Variants in MMP26 observed in about 807,000 individuals in gnomAD.
MMP26 encodes the protein matrix metalloproteinase-26.
MMP26 carries 33 observed loss-of-function variants against 31.0 expected under a neutral mutation model. The ratio of observed to expected loss-of-function variants is 1.06; its 90% CI spans 0.81 to 1.42. The LOEUF (loss-of-function observed/expected upper bound fraction) is 1.42. MMP26 is among the 40% of genes most tolerant of loss of function. The probability of loss-of-function intolerance (pLI) is 0.00; values close to 1 mark genes in which losing one functional copy is unlikely to be tolerated. For synonymous variants in MMP26, 122 were observed against 114.9 expected (o/e 1.06, Z -0.40); for missense variants, 347 against 316.1 (o/e 1.10, Z -0.74).
chr11:4,745,581 C>T (rs563406918), intron 1 of MMP26, among the ~76,000 whole-genome samples: 3 of 152,290 alleles, frequency 2.0e-5, no homozygotes, highest in African/African-American at 7.2e-5. Context: ...GTACGTTCGT[C>T]ACTATCTATG....
intron 2 of MMP26, among the ~76,000 whole-genome samples, chr11:4,959,336 C>T (rs970386683): frequency 6.6e-6 from 1 of 151,658 alleles, no homozygotes; most frequent in Non-Finnish European, 1.5e-5. Flanking sequence ...TCAAAGGAGG[C>T]CATTATATCC....
intron 1 of MMP26, chr11:4,723,340 T>A: frequency 1.0e-6 from 1 of 970,896 alleles, no homozygotes. Flanking sequence ...CTTGATCTGG[T>A]GCATGCTCTC....
At chr11:4,938,459 A>T (rs1478581367) in intron 2 of MMP26, among the ~76,000 whole-genome samples, 1 of 151,848 alleles carries the variant, frequency 6.6e-6, no homozygotes, top group Non-Finnish European at 1.5e-5. Flanking sequence ...CAGACTGAAA[A>T]AAAAAAAAAG....
chr11:4,867,898 A>C (rs1256044693), intron 2 of MMP26, among the ~76,000 whole-genome samples: 1 of 152,130 alleles, frequency 6.6e-6, no homozygotes, highest in Non-Finnish European at 1.5e-5. Context: ...CTGGGTATAT[A>C]CCTAAAAGAA....
chr11:4,778,534 C>T lies in MMP26; in HGVS notation c.-145+11193C>T, dbSNP rs560817476. Among the ~76,000 whole-genome samples, 39 of 152,106 alleles carry T rather than the reference C, an allele frequency of 2.6e-4. No individual in the cohort carries two copies. In the East Asian group the frequency reaches 7.1e-3, roughly 28 times the overall value. ...AATACTGCACTATCCCTGTAATATG[C>T]TTTGATGCCTGGTATTATAAGAATA... is the stretch of plus-strand genomic sequence containing the variant. On this transcript the variant is annotated intron_variant, in intron 2 of 7. Coordinates refer to ENST00000380390, the MANE Select transcript of MMP26 (RefSeq NM_021801.5).
chr11:4,932,428 C>G (rs36049521), intron 2 of MMP26, among the ~76,000 whole-genome samples: 21,591 of 152,076 alleles, frequency 0.14, 1,650 homozygotes, highest in South Asian at 0.17. Context: ...CTGGTATATG[C>G]TCTCTTGTTC....
intron 2 of MMP26, among the ~76,000 whole-genome samples, chr11:4,855,812 C>T (rs1203079578): frequency 6.6e-6 from 1 of 152,166 alleles, no homozygotes; most frequent in East Asian, 1.9e-4. Context: ...ATGTTAAGGG[C>T]AGCCAGAGAG....
intron 2 of MMP26, chr11:4,945,748 TA>T (rs573738164): frequency 7.4e-5 from 17 of 229,010 alleles, no homozygotes; most frequent in East Asian, 6.1e-4. Flanking sequence ...ATGATTAAAT[TA>T]AAAAAATGGT....
At chr11:4,975,333 C>T (rs1226934560) in intron 2 of MMP26, among the ~76,000 whole-genome samples, 2 of 152,022 alleles carry the variant, frequency 1.3e-5, no homozygotes, top group East Asian at 3.9e-4. Flanking sequence ...AAACACTAAT[C>T]CAGGTGTGTC....
rs1023388359 is a variant in MMP26, at chr11:4,883,498, G to A, written c.-144-104570G>A. Among the ~76,000 whole-genome samples the A allele has an allele frequency of 5.9e-5, 9 of 151,758 alleles. No individual in the cohort carries two copies. In the South Asian group the frequency reaches 1.5e-3, roughly 25 times the overall value. On this transcript the variant is annotated intron_variant, in intron 2 of 7. Coordinates refer to ENST00000380390, the MANE Select transcript of MMP26 (RefSeq NM_021801.5). ...TAGAAGTGATATTTTTTCAGTTTTA[G>A]TTAGTACTTTATATACCTCCAATCC...
chr11:4,943,315 TA>T (rs1439997093), intron 2 of MMP26: 4 of 316,616 alleles, frequency 1.3e-5, no homozygotes, highest in Admixed American at 1.2e-4. Flanking sequence ...ATAAGTCTTT[TA>T]ACATCTCTCA....
intron 2 of MMP26, among the ~76,000 whole-genome samples, chr11:4,806,965 G>T (rs958145235): frequency 1.3e-5 from 2 of 152,066 alleles, no homozygotes; most frequent in Admixed American, 1.3e-4. Context: ...CCCAGCTTCA[G>T]GGGTACCTTG....
At chr11:4,836,792 T>G (rs1849725477) in intron 2 of MMP26, among the ~76,000 whole-genome samples, 1 of 151,428 alleles carries the variant, frequency 6.6e-6, no homozygotes. Flanking sequence ...CCCGAGTAGC[T>G]GGGACTACAG....
At chr11:4,810,998 C>T (rs1849342286) in intron 2 of MMP26, among the ~76,000 whole-genome samples, 1 of 152,088 alleles carries the variant, frequency 6.6e-6, no homozygotes, top group Admixed American at 6.5e-5. Flanking sequence ...AGGTTTACAT[C>T]AATATGTATA....
chr11:4,928,058 G>A (rs1226571403), intron 2 of MMP26, among the ~76,000 whole-genome samples: 4 of 151,970 alleles, frequency 2.6e-5, no homozygotes, highest in Admixed American at 2.0e-4. Flanking sequence ...GAGGGTCGAG[G>A]GGGGAGAGAG....
chr11:4,900,963 G>A (rs1850791203), intron 2 of MMP26, among the ~76,000 whole-genome samples: 2 of 152,038 alleles, frequency 1.3e-5, no homozygotes, highest in African/African-American at 4.8e-5. Context: ...TAATGGATCA[G>A]TAACACATCT....
At chr11:4,957,068 C>T (rs1388322021) in intron 2 of MMP26, among the ~76,000 whole-genome samples, 3 of 152,110 alleles carry the variant, frequency 2.0e-5, no homozygotes, top group Non-Finnish European at 2.9e-5. Flanking sequence ...GGTAAGATAG[C>T]AACTCAGGTC....
At chr11:4,883,088 T>C (rs1850502559) in intron 2 of MMP26, among the ~76,000 whole-genome samples, 1 of 152,160 alleles carries the variant, frequency 6.6e-6, no homozygotes, top group Non-Finnish European at 1.5e-5. Flanking sequence ...TGAGCATATG[T>C]CCCTGAACCA....
At chr11:4,766,473 C>T (rs963499085) in intron 1 of MMP26, among the ~76,000 whole-genome samples, 5 of 147,104 alleles carry the variant, frequency 3.4e-5, no homozygotes, top group African/African-American at 1.1e-4. Context: ...CACAGACCTG[C>T]TTGGGTTGAG....
Sources: gnomAD v4.1 joint callset for allele counts (sites outside exome capture counted in the v4.1 genomes callset) on GRCh38, gnomAD v4.1.1 for gene constraint, MANE v1.5 for transcripts, NCBI Gene and HGNC (gene_info 2026-07-23, HGNC 2026-07-21) for gene names.